MAP3K1: variants seen among roughly 807,000 people sequenced by gnomAD.
The protein encoded by MAP3K1 is MAP/ERK kinase kinase 1.
MAP3K1 carries 36 observed loss-of-function variants against 144.2 expected under a neutral mutation model. The observed-to-expected ratio is 0.25, with a 90% confidence interval of 0.19 to 0.33. The LOEUF (loss-of-function observed/expected upper bound fraction) is 0.33. MAP3K1 is among the 10% of genes least tolerant of loss of function. The pLI is 1.00. For missense variants in MAP3K1, 1,650 were observed against 1,881.9 expected (o/e 0.88, Z 2.28); for synonymous variants, 718 against 688.7 (o/e 1.04, Z -0.67).
At chr5:56,837,701 T>C (rs2111803546) in intron 1 of MAP3K1, among the ~76,000 whole-genome samples, 1 of 152,350 alleles carries the variant, frequency 6.6e-6, no homozygotes. Context: ...ATTAAGTACA[T>C]ATTTATTGAC....
At chr5:56,843,616 A>C (rs1388772674) in intron 1 of MAP3K1, among the ~76,000 whole-genome samples, 1 of 152,148 alleles carries the variant, frequency 6.6e-6, no homozygotes, top group African/African-American at 2.4e-5. Flanking sequence ...GGACTGGACC[A>C]GGGGCAAATC....
chr5:56,866,641 G>A (rs1747683512), intron 6 of MAP3K1, among the ~76,000 whole-genome samples: 1 of 152,122 alleles, frequency 6.6e-6, no homozygotes, highest in South Asian at 2.1e-4. Flanking sequence ...TATTCCCGAA[G>A]TGCCCAGTTT....
intron 19 of MAP3K1, among the ~76,000 whole-genome samples, chr5:56,890,445 T>C (rs1252709361): frequency 2.6e-5 from 4 of 152,214 alleles, no homozygotes; most frequent in African/African-American, 9.6e-5. Context: ...CCCCAAAGCT[T>C]TCTCAAACAC....
At chr5:56,845,382 T>C (rs1170898196) in intron 1 of MAP3K1, among the ~76,000 whole-genome samples, 1 of 152,170 alleles carries the variant, frequency 6.6e-6, no homozygotes, top group Non-Finnish European at 1.5e-5. Flanking sequence ...AACACCCAAA[T>C]GGTGAAGGAA....
chr5:56,825,487 A>G (rs1746285405), intron 1 of MAP3K1, among the ~76,000 whole-genome samples: 2 of 152,110 alleles, frequency 1.3e-5, no homozygotes, highest in African/African-American at 4.8e-5. Flanking sequence ...CCTGCATACA[A>G]CTTTCTCCAG....
intron 15 of MAP3K1, 148 bp downstream of exon 15, chr5:56,883,827 C>A: frequency 1.1e-6 from 1 of 877,834 alleles, no homozygotes; most frequent in Non-Finnish European, 1.8e-6. Context: ...GTTTCTAAAG[C>A]ACCAGAAACA....
In MAP3K1 at chr5:56,893,748, C is replaced by T; in HGVS notation, c.*68C>T. On this transcript the variant is annotated 3_prime_UTR_variant, in exon 20 of 20. Transcript: ENST00000399503. ...AAGAGAAAAAAAACTTGTGGGGAAC[C>T]ACATTGATATTCTACTGGCCATGAT... The T allele has an allele frequency of 6.5e-7, 1 of 1,548,002 alleles. No homozygotes were observed. The highest frequency in any genetic ancestry group is 8.9e-7 in the Non-Finnish European group (1 of 1,129,042).
At chr5:56,819,412 G>A (rs1320565280) in intron 1 of MAP3K1, among the ~76,000 whole-genome samples, 1 of 142,908 alleles carries the variant, frequency 7.0e-6, no homozygotes, top group East Asian at 2.0e-4. Context: ...GGGAAGAAAG[G>A]AGTGTTTTTT....
chr5:56,840,494 A>G (rs767191971), intron 1 of MAP3K1, among the ~76,000 whole-genome samples: 10 of 152,212 alleles, frequency 6.6e-5, no homozygotes, highest in Non-Finnish European at 1.5e-4. Flanking sequence ...CTCTGAAAAC[A>G]TTATTTAATA....
chr5:56,842,356 C>T (rs554552919), intron 1 of MAP3K1: 2 of 152,242 alleles, frequency 1.3e-5, no homozygotes, highest in African/African-American at 2.4e-5. Context: ...AGAATTGTCA[C>T]TGACTATGGA....
At chr5:56,837,044 C>A (rs899126198) in intron 1 of MAP3K1, among the ~76,000 whole-genome samples, 1 of 151,828 alleles carries the variant, frequency 6.6e-6, no homozygotes, top group South Asian at 2.1e-4. Context: ...CCAGCAGTAT[C>A]CCCCCACCTT....
intron 1 of MAP3K1, among the ~76,000 whole-genome samples, chr5:56,855,554 A>T (rs1054798910): frequency 7.3e-5 from 11 of 151,590 alleles, no homozygotes; most frequent in African/African-American, 2.4e-4. Context: ...TCTAGTGAAT[A>T]TTTTTTTTTA....
chr5:56,886,140 A>ACACCTGTAATCCCAGTACTTT lies in MAP3K1; in HGVS notation c.4114+78_4114+98dup. 19 of 1,185,088 alleles carry ACACCTGTAATCCCAGTACTTT rather than the reference A, an allele frequency of 1.6e-5. No individual in the cohort carries two copies. The South Asian group carries it at 2.1e-4, about 13-fold the overall frequency. The allele number at this position is 1,185,088 out of a possible 1,614,324, so 73.4% of individuals were successfully genotyped here. Reference sequence around the variant, plus strand: ...AATTTGGGGCCAGGCACAGTGGCTCACACCTGTAATCCCAGTACTTTGGGA... The same window carrying ACACCTGTAATCCCAGTACTTT: ...AATTTGGGGCCAGGCACAGTGGCTCACACCTGTAATCCCAGTACTTTCACCTGTAATCCCAGTACTTTGGGA... On this transcript the variant is annotated intron_variant, in intron 17 of 19. Coordinates refer to ENST00000399503, the MANE Select transcript of MAP3K1 (RefSeq NM_005921.2).
At chr5:56,844,635 A>C (rs923441571) in intron 1 of MAP3K1, among the ~76,000 whole-genome samples, 1 of 151,966 alleles carries the variant, frequency 6.6e-6, no homozygotes, top group Non-Finnish European at 1.5e-5. Context: ...GATGGAGATC[A>C]CTCCACCTTC....
chr5:56,878,603 C>G (rs1407735444), intron 10 of MAP3K1, among the ~76,000 whole-genome samples: 1 of 151,852 alleles, frequency 6.6e-6, no homozygotes. Context: ...TCATTTTGTT[C>G]TGTGGGTTGC....
intron 6 of MAP3K1, among the ~76,000 whole-genome samples, chr5:56,871,282 G>C (rs891571910): frequency 1.3e-5 from 2 of 152,040 alleles, no homozygotes; most frequent in African/African-American, 4.8e-5. Flanking sequence ...CATTCATTTG[G>C]TTGTTTTGAT....
In MAP3K1 at chr5:56,881,212, C is replaced by T. The variant is rs777628678; in HGVS notation, c.2309C>T (p.Ala770Val). 2 of 1,613,746 alleles carry T rather than the reference C, an allele frequency of 1.2e-6. No homozygotes were observed. Among genetic ancestry groups the T allele is most frequent in the Non-Finnish European group, 1.7e-6 (2 of 1,179,868 alleles). The change falls in exon 13 of 20, where the codon GCT (alanine) becomes GTT (valine). Residue 770 changes from alanine (A) to valine (V), a missense_variant. Ala to Val is a moderately conservative substitution (Grantham distance 64, BLOSUM62 0). This residue lies in a region of MAP3K1 where 841 missense variants were observed against 886.5 expected (regional missense o/e 0.95). Coordinates refer to ENST00000399503, the MANE Select transcript of MAP3K1 (RefSeq NM_005921.2). ...GATAGACTGTTGTTGGAATTTCCTG[C>T]TGAATTTTATCCTCATATTGTCAGT... ...LIDRLLLEFP[A>V]EFYPHIVSTD...
At chr5:56,879,788 T>A (rs1226253161) in intron 11 of MAP3K1, among the ~76,000 whole-genome samples, 2 of 152,216 alleles carry the variant, frequency 1.3e-5, no homozygotes, top group Non-Finnish European at 2.9e-5. Context: ...TCACAGCTAC[T>A]GTGAACAGTT....
intron 1 of MAP3K1, among the ~76,000 whole-genome samples, chr5:56,837,391 T>C (rs73759230): frequency 0.021 from 3,156 of 152,238 alleles, 110 homozygotes; most frequent in African/African-American, 0.073. Context: ...TGACCATCTC[T>C]TAGTCTTTTC....
Sources: allele counts gnomAD v4.1 joint callset (sites outside exome capture counted in the v4.1 genomes callset), GRCh38; gene constraint gnomAD v4.1.1; regional missense constraint gnomAD v4.1.1; transcripts MANE v1.5; gene names NCBI Gene and HGNC (gene_info 2026-07-23, HGNC 2026-07-21).